Variants in PCDHA6 observed in about 807,000 individuals in gnomAD.
PCDHA6 encodes protocadherin alpha 6.
Under a neutral mutation model 60.3 loss-of-function variants are expected in PCDHA6, and 55 were observed. The observed-to-expected ratio is 0.91, with a 90% confidence interval of 0.73 to 1.14. The LOEUF is 1.14. Among genes scored for constraint, PCDHA6 ranks in the 50% most tolerant of loss-of-function variants. The pLI, the probability that PCDHA6 is intolerant of heterozygous loss-of-function variation, is 0.00. For synonymous variants in PCDHA6, 652 were observed against 557.9 expected (o/e 1.17, Z -2.38); for missense variants, 1,327 against 1,256.5 (o/e 1.06, Z -0.85).
chr5:141,001,213 A>G (rs2097997873), intron 3 of PCDHA6, among the ~76,000 whole-genome samples: 1 of 152,154 alleles, frequency 6.6e-6, no homozygotes, highest in African/African-American at 2.4e-5. Context: ...TGTGCTGTAT[A>G]AGGATAGTTA....
At position 140,892,638 on chromosome 5, in the gene PCDHA6, T is replaced by C. The variant is rs151070567; in HGVS notation, c.2394+62153T>C. Among the ~76,000 whole-genome samples the C allele has an allele frequency of 1.2e-4, 19 of 152,324 alleles. No homozygotes were observed. The East Asian group carries it at 2.5e-3, about 20-fold the overall frequency. ...CCAGTTGGTACATAATAATTGTACA[T>C]ATTTATAGGATACAGAGTGACATTT... is the stretch of plus-strand genomic sequence containing the variant. On this transcript the variant is annotated intron_variant, in intron 1 of 3. Transcript: ENST00000529310.
chr5:140,919,357 G>C (rs1158844072), intron 1 of PCDHA6, among the ~76,000 whole-genome samples: 3 of 152,148 alleles, frequency 2.0e-5, no homozygotes, highest in Non-Finnish European at 4.4e-5. Flanking sequence ...GAATCTAAAA[G>C]TGTCTCCTGC....
In PCDHA6 at chr5:140,858,056, G is replaced by A; in HGVS notation, c.2394+27571G>A. ...GGCCACTGTGCTTGTGTCGCTTGTG[G>A]AGGGCAGCCAGGCACCCAAGGCCTC... is the stretch of plus-strand genomic sequence containing the variant. On this transcript the variant is annotated intron_variant, in intron 1 of 3. Transcript: ENST00000529310. 1.9e-6 allele frequency: 3 copies of A among 1,597,644 alleles called. 1 individual carries two copies. The highest frequency in any genetic ancestry group is 2.6e-6 in the Non-Finnish European group (3 of 1,167,552).
intron 1 of PCDHA6, chr5:140,859,327 AAAT>A (rs2045812871): frequency 7.8e-6 from 1 of 128,784 alleles, no homozygotes; most frequent in Non-Finnish European, 1.8e-5. Flanking sequence ...TTTGAGGAGA[AAAT>A]AAAATTAATG....
intron 1 of PCDHA6, among the ~76,000 whole-genome samples, chr5:140,946,113 G>T (rs1241993026): frequency 6.6e-6 from 1 of 151,816 alleles, no homozygotes; most frequent in Non-Finnish European, 1.5e-5. Context: ...AAATATATAA[G>T]GAACTCAAAC....
At chr5:140,856,956 T>C (rs781976306) in intron 1 of PCDHA6, 1 of 1,593,360 alleles carries the variant, frequency 6.3e-7, no homozygotes, top group South Asian at 1.1e-5. Context: ...GAAATAAAAG[T>C]AAATGATGCT....
intron 1 of PCDHA6, chr5:140,863,757 G>A (rs2048159267): frequency 4.1e-6 from 1 of 243,012 alleles, no homozygotes; most frequent in Non-Finnish European, 8.1e-6. Context: ...CCGGCACTTT[G>A]GGAAGCCGAG....
intron 1 of PCDHA6, among the ~76,000 whole-genome samples, chr5:140,915,075 A>G (rs111889109): frequency 6.6e-6 from 1 of 151,436 alleles, no homozygotes; most frequent in South Asian, 2.1e-4. Context: ...CCTACTGAGT[A>G]GCTGGGACTA....
chr5:140,869,864 A>C (rs1554163548), intron 1 of PCDHA6: 1 of 1,610,504 alleles, frequency 6.2e-7, no homozygotes, highest in African/African-American at 1.3e-5. Context: ...CTTATGGAAA[A>C]TGCTGCTAAA....
In PCDHA6 at chr5:140,917,874, C is replaced by A. The variant is rs1240832097; in HGVS notation, c.2395-61075C>A. Among the ~76,000 whole-genome samples, 13 of 151,108 alleles carry A rather than the reference C, an allele frequency of 8.6e-5. No individual in the cohort carries two copies. In the East Asian group the frequency reaches 2.5e-3, roughly 29 times the overall value. ...CTTAGGATTGCTTTGACTATTTGGG[C>A]TCTTTTTTTTTTCCATATGAATGTT... On this transcript the variant is annotated intron_variant, in intron 1 of 3. Transcript: ENST00000529310.
Position 140,828,140 on chromosome 5 carries a change from C to T in PCDHA6, c.49C>T (p.Pro17Ser). ...DRLGKQCLLL[P>S]LLLLAAWKVG... is the part of the protein sequence containing the mutation. ...ATTGGGAAAGCAATGTCTGCTCCTC[C>T]CGCTTCTGCTCCTCGCAGCCTGGAA... Residue 17 changes from proline to serine, a missense_variant, in exon 1 of 4, where the codon CCG (proline) becomes TCG (serine). Coordinates refer to ENST00000529310, the MANE Select transcript of PCDHA6 (RefSeq NM_018909.4). 1 of 1,613,974 alleles carries T rather than the reference C, an allele frequency of 6.2e-7. No homozygotes were observed. Among genetic ancestry groups the T allele is most frequent in the South Asian group, 1.1e-5 (1 of 91,044 alleles).
chr5:140,889,831 T>C (rs2062398202), intron 1 of PCDHA6, among the ~76,000 whole-genome samples: 1 of 152,138 alleles, frequency 6.6e-6, no homozygotes, highest in African/African-American at 2.4e-5. Flanking sequence ...AGTCTTACAG[T>C]ATGCTTTGGT....
At chr5:140,964,783 A>C (rs2095854085) in intron 1 of PCDHA6, among the ~76,000 whole-genome samples, 1 of 152,018 alleles carries the variant, frequency 6.6e-6, no homozygotes, top group East Asian at 1.9e-4. Context: ...AAGAGGAAGA[A>C]GCCAGAGACC....
At chr5:140,928,109 A>C (rs1472439079) in intron 1 of PCDHA6, 1 of 1,613,986 alleles carries the variant, frequency 6.2e-7, no homozygotes, top group African/African-American at 1.3e-5. Context: ...CTGGACCGGG[A>C]GCAGATCAGT....
rs2150150481 is a variant in PCDHA6, at chr5:140,828,061, T to G, written c.-31T>G. On this transcript the variant is annotated 5_prime_UTR_variant, in exon 1 of 4. Coordinates refer to ENST00000529310, the MANE Select transcript of PCDHA6 (RefSeq NM_018909.4). ...TATTTTATCTTTATGCGGAAGATCT[T>G]CTAATGGAAATAAAACCAGAGGTAT... 1.3e-6 allele frequency: 2 copies of G among 1,556,836 alleles called. No individual in the cohort carries two copies. Among genetic ancestry groups the G allele is most frequent in the East Asian group, 4.5e-5 (2 of 44,428 alleles).
At chr5:140,883,313 G>A (rs1469839417) in intron 1 of PCDHA6, 2 of 1,614,000 alleles carry the variant, frequency 1.2e-6, no homozygotes, top group African/African-American at 2.7e-5. Flanking sequence ...TAACGCCCCA[G>A]AGGTTACCAT....
chr5:140,875,929 C>T (rs1554168093), intron 1 of PCDHA6: 4 of 1,614,154 alleles, frequency 2.5e-6, no homozygotes, highest in East Asian at 2.2e-5. Context: ...CTCTCATTTT[C>T]CTCTAGAGGG....
At chr5:140,925,286 A>G (rs545624226) in intron 1 of PCDHA6, among the ~76,000 whole-genome samples, 9 of 152,288 alleles carry the variant, frequency 5.9e-5, no homozygotes, top group African/African-American at 2.2e-4. Context: ...TTGCCTTTCA[A>G]ATGTTTCATT....
In PCDHA6 at chr5:140,851,831, A is replaced by T. The variant is rs1171493624; in HGVS notation, c.2394+21346A>T. 16 of 968,114 alleles carry T rather than the reference A, an allele frequency of 1.7e-5. 1 individual carries two copies. Among genetic ancestry groups the T allele is most frequent in the Middle Eastern group, 5.3e-4 (1 of 1,876 alleles). 60.0% of individuals were successfully genotyped at this position (968,114 alleles called of 1,614,324 possible). On this transcript the variant is annotated intron_variant, in intron 1 of 3. Transcript: ENST00000529310. ...CCATAAGACAGAAATCTGTTTTTTT[A>T]AAAATATCTTTTTCTCCTCTCAGCT...
Sources: allele counts gnomAD v4.1 joint callset (sites outside exome capture counted in the v4.1 genomes callset), GRCh38; gene constraint gnomAD v4.1.1; transcripts MANE v1.5; gene names NCBI Gene and HGNC (gene_info 2026-07-23, HGNC 2026-07-21).